TRMT44: variants seen among roughly 807,000 people sequenced by gnomAD.
The protein encoded by TRMT44 is probable tRNA (uracil-O(2)-)-methyltransferase.
Under a neutral mutation model 77.3 loss-of-function variants are expected in TRMT44, and 78 were observed. That is an observed-to-expected ratio of 1.01 (90% CI 0.84 to 1.22). The LOEUF (loss-of-function observed/expected upper bound fraction) is 1.22. Among genes scored for constraint, TRMT44 ranks in the 50% most tolerant of loss-of-function variants. The pLI, the probability that TRMT44 is intolerant of heterozygous loss-of-function variation, is 0.00. For synonymous variants in TRMT44, 391 were observed against 383.3 expected, an observed-to-expected ratio of 1.02 and a Z score of -0.23; for missense variants, 1,090 against 964.4, an observed-to-expected ratio of 1.13 and a Z score of -1.73.
chr4:8,443,257 G>C (rs1724864406), intron 1 of TRMT44, among the ~76,000 whole-genome samples: 1 of 152,226 alleles, frequency 6.6e-6, no homozygotes, highest in South Asian at 2.1e-4. Context: ...GAGGATTGGA[G>C]AGGCAGTGCC....
At chr4:8,442,121 C>T (rs529787508) in intron 1 of TRMT44, among the ~76,000 whole-genome samples, 2 of 152,320 alleles carry the variant, frequency 1.3e-5, no homozygotes, top group South Asian at 4.1e-4. Context: ...TCCTTGAACA[C>T]AGTGTTTATA....
At position 8,449,740 on chromosome 4, in the gene TRMT44, G is replaced by A. The variant is rs1248749999; in HGVS notation, c.806G>A (p.Trp269Ter). The A allele has an allele frequency of 4.6e-6, 7 of 1,536,028 alleles. No homozygotes were observed. Among genetic ancestry groups the A allele is most frequent in the Non-Finnish European group, 6.1e-6 (7 of 1,146,898 alleles). Residue 269 changes from tryptophan to a stop codon, truncating the protein, a stop_gained, in exon 3 of 11, where the codon TGG (tryptophan) becomes TAG (stop). Transcript: ENST00000389737. LOFTEE classifies it high-confidence loss of function. ...SDGIVYPKPTWLGEELLAKLA... is the reference protein window; with the variant it reads ...SDGIVYPKPT ...GGAATCGTGTATCCCAAACCCACGTGGCTTGGAGAAGAGTTGCTGGCCAAG... is the reference window on the plus strand; with the variant it reads ...GGAATCGTGTATCCCAAACCCACGTAGCTTGGAGAAGAGTTGCTGGCCAAG...
At position 8,452,848 on chromosome 4, in the gene TRMT44, C is replaced by A; in HGVS notation, c.1024-34C>A. The A allele has an allele frequency of 7.6e-7, 1 of 1,311,782 alleles. No homozygotes were observed. Among genetic ancestry groups the A allele is most frequent in the South Asian group, 1.3e-5 (1 of 74,494 alleles). The allele number at this position is 1,311,782 out of a possible 1,614,324, so 81.3% of individuals were successfully genotyped here. A position where few individuals can be genotyped will look rare whatever the true frequency, so the allele number is the denominator to read the frequency against. On this transcript the variant is annotated intron_variant, in intron 4 of 10. Coordinates refer to ENST00000389737, the MANE Select transcript of TRMT44 (RefSeq NM_152544.3). This position sits in a 1 kb window ranked among gnomAD's most constrained non-coding sequence, Gnocchi z 5.7. ...ATTATTCTTGCGTAGAGTGAATTAC[C>A]ACCTGACTTTGTTTTGTTTTTCTCT... is the stretch of plus-strand genomic sequence containing the variant.
At position 8,453,008 on chromosome 4, in the gene TRMT44, A is replaced by C; in HGVS notation, c.1131+19A>C. On this transcript the variant is annotated intron_variant, in intron 5 of 10. Transcript: ENST00000389737. ...TGAGGGGGTAAGGCCCGGCTCCATCACCTTTTCTGGTAACTTGTCCAGAGT... is the reference window on the plus strand; with the variant it reads ...TGAGGGGGTAAGGCCCGGCTCCATCCCCTTTTCTGGTAACTTGTCCAGAGT... 1 of 1,424,878 alleles carries C rather than the reference A, an allele frequency of 7.0e-7. No individual in the cohort carries two copies. 88.3% of individuals were successfully genotyped at this position (1,424,878 alleles called of 1,614,324 possible).
In TRMT44 at chr4:8,441,347, G is replaced by T. The variant is rs1205724550; in HGVS notation, c.525G>T (p.Ala175=). Residue 175 remains alanine, a synonymous_variant, in exon 1 of 11, where the codon GCG becomes GCT. Transcript: ENST00000389737. Reference sequence around the variant, plus strand: ...CCGGGGCGGGATCGCAGCCAGAGGCGCAGCGTGAGCTCGACGTGGTTCTCA... The same window carrying T: ...CCGGGGCGGGATCGCAGCCAGAGGCTCAGCGTGAGCTCGACGTGGTTCTCA... ...TSSGAGSQPE[A]QRELDVVLRT... The T allele has an allele frequency of 1.3e-6, 2 of 1,535,118 alleles. No homozygotes were observed. The highest frequency in any genetic ancestry group is 1.7e-6 in the Non-Finnish European group (2 of 1,146,340).
rs370213187 is a variant in TRMT44 at position 8,471,506 on chromosome 4, C to T, written c.2044+306C>T. Among the ~76,000 whole-genome samples, 6 of 152,232 alleles carry T rather than the reference C, an allele frequency of 3.9e-5. No homozygotes were observed. In the East Asian group the frequency reaches 7.7e-4, roughly 20 times the overall value. On this transcript the variant is annotated intron_variant, in intron 10 of 10. Transcript: ENST00000389737. ...TTGCTCCACGCAGGACAGAGCAAGT[C>T]GGGTAGCCGCTGGCCGGTCCCCTGT...
intron 2 of TRMT44, among the ~76,000 whole-genome samples, chr4:8,489,519 C>G (rs2109230438): frequency 6.6e-6 from 1 of 152,226 alleles, no homozygotes; most frequent in African/African-American, 2.4e-5. Context: ...CTCTGTCACC[C>G]AGGCTGGAGT....
the TRMT44 span, among the ~76,000 whole-genome samples, chr4:8,505,496 C>T: frequency 2.6e-5 from 4 of 152,200 alleles, no homozygotes; most frequent in African/African-American, 9.6e-5. Flanking sequence ...AGGGTTCCTC[C>T]GTGGCCCTGG....
At chr4:8,497,532 C>T (rs1728183316), downstream of TRMT44, among the ~76,000 whole-genome samples, 1 of 152,174 alleles carries the variant, frequency 6.6e-6, no homozygotes, top group Non-Finnish European at 1.5e-5. Flanking sequence ...GTAGTCCCAG[C>T]TACTCAGGAG....
chr4:8,501,450 C>A, the TRMT44 span, among the ~76,000 whole-genome samples: 9 of 152,156 alleles, frequency 5.9e-5, no homozygotes, highest in African/African-American at 2.2e-4. This position sits in a 1 kb window ranked among gnomAD's most constrained non-coding sequence, Gnocchi z 4.4. Context: ...CACTCAACTT[C>A]CTGTGCCTCA....
chr4:8,514,611 T>C, the TRMT44 span, among the ~76,000 whole-genome samples: 1 of 151,930 alleles, frequency 6.6e-6, no homozygotes, highest in Non-Finnish European at 1.5e-5. Context: ...GCGAAAGCAT[T>C]TGTGGGGATG....
At chr4:8,493,372 G>A (rs577730648) in exon 3 of TRMT44, 1 of 152,172 alleles carries the variant, frequency 6.6e-6, no homozygotes, top group African/African-American at 2.4e-5. Flanking sequence ...GACAGCTTCA[G>A]CTCCCTAAGA....
At chr4:8,479,926 A>C (rs1373367820), downstream of TRMT44, among the ~76,000 whole-genome samples, 5 of 151,946 alleles carry the variant, frequency 3.3e-5, no homozygotes, top group Admixed American at 2.0e-4. Context: ...CACCCAGGTT[A>C]GAGTGTAGTG....
the TRMT44 span, among the ~76,000 whole-genome samples, chr4:8,501,949 C>A: frequency 1.4e-4 from 22 of 152,356 alleles, no homozygotes; most frequent in South Asian, 4.6e-3. The surrounding 1 kb of genome is among the most constrained non-coding windows in gnomAD (Gnocchi z 4.4). Context: ...GGACAGCTGG[C>A]TTCCCGCCTC....
At chr4:8,515,094 G>A in the TRMT44 span, among the ~76,000 whole-genome samples, 1 of 152,098 alleles carries the variant, frequency 6.6e-6, no homozygotes, top group Non-Finnish European at 1.5e-5. Context: ...GCCTCCCTAG[G>A]AGCTGGGACT....
chr4:8,489,461 G>T (rs528343132), intron 2 of TRMT44, among the ~76,000 whole-genome samples: 2 of 32,750 alleles, frequency 6.1e-5, no homozygotes, highest in African/African-American at 2.2e-4. Context: ...TTTTGTTTTC[G>T]TTTTGTTTTG....
intron 2 of TRMT44, among the ~76,000 whole-genome samples, chr4:8,484,857 G>C (rs1426770121): frequency 1.3e-5 from 2 of 152,206 alleles, no homozygotes; most frequent in African/African-American, 4.8e-5. Context: ...TGGGGTTTGA[G>C]AGATTAGTTG....
chr4:8,443,877 G>A (rs1044123048), intron 1 of TRMT44, among the ~76,000 whole-genome samples: 5 of 151,888 alleles, frequency 3.3e-5, no homozygotes, highest in African/African-American at 9.7e-5. Context: ...GAAGAATGAC[G>A]TGAACCCGGT....
the TRMT44 span, among the ~76,000 whole-genome samples, chr4:8,511,186 C>T: frequency 2.0e-5 from 3 of 152,176 alleles, no homozygotes; most frequent in Non-Finnish European, 4.4e-5. Context: ...CCCGGAGTGC[C>T]GTGAGCTTTA....
Sources: allele counts gnomAD v4.1 joint callset (sites outside exome capture counted in the v4.1 genomes callset), GRCh38; gene constraint gnomAD v4.1.1; non-coding constraint Gnocchi (gnomAD v3.1); transcripts MANE v1.5; gene names NCBI Gene and HGNC (gene_info 2026-07-23, HGNC 2026-07-21).